PTCSC3: variants seen among roughly 807,000 people sequenced by gnomAD.
The protein encoded by PTCSC3 is papillary thyroid carcinoma susceptibility candidate 3, also known as papillary thyroid carcinoma susceptibility candidate 3 (non-protein coding).
rs116560535 is a variant in PTCSC3 at position 36,171,887 on chromosome 14, T to C, written n.171+4411A>G. Among the ~76,000 whole-genome samples the C allele has an allele frequency of 7.0e-3, 1,072 of 152,210 alleles. 11 individuals carry two copies. The highest frequency in any genetic ancestry group is 0.023 in the African/African-American group (974 of 41,536). On this transcript the variant is annotated intron_variant and non_coding_transcript_variant, in intron 1 of 3. Coordinates refer to ENST00000556013, the Ensembl canonical transcript of PTCSC3. ...GGAATATTAGCAAATGTGGGGTGTA[T>C]TTAGCATGTTCTGCAAACATGGGTT... is the stretch of plus-strand genomic sequence containing the variant.
chr14:36,158,757 G>A (rs142655811), intron 2 of PTCSC3, among the ~76,000 whole-genome samples: 200 of 152,292 alleles, frequency 1.3e-3, no homozygotes, highest in African/African-American at 4.5e-3. Flanking sequence ...TCAGGATGAT[G>A]CTGGCCTCAT....
intron 1 of PTCSC3, among the ~76,000 whole-genome samples, chr14:36,173,703 G>T (rs1882229547): frequency 6.6e-6 from 1 of 151,900 alleles, no homozygotes; most frequent in South Asian, 2.1e-4. Flanking sequence ...TAACATTCCT[G>T]GTGCCCTTTG....
chr14:36,161,923 G>A (rs543915258), intron 2 of PTCSC3, among the ~76,000 whole-genome samples: 3 of 152,302 alleles, frequency 2.0e-5, no homozygotes, highest in Admixed American at 2.0e-4. Context: ...GGAGAAATCT[G>A]GAGACGCAGT....
chr14:36,143,824 T>C lies in PTCSC3; in HGVS notation n.323-7468A>G, dbSNP rs1881488779. Among the ~76,000 whole-genome samples, 3 of 145,026 alleles carry C rather than the reference T, an allele frequency of 2.1e-5. No homozygotes were observed. In the Admixed American group the frequency reaches 2.1e-4, roughly 10 times the overall value. ...GTTTAAGTCTTTAATCCATCTTGAA[T>C]TGATTTTTGTATAAGGTGTAAGGAA... On this transcript the variant is annotated intron_variant and non_coding_transcript_variant, in intron 3 of 3. Coordinates refer to ENST00000556013, the Ensembl canonical transcript of PTCSC3.
chr14:36,167,673 A>G (rs1882116452), intron 1 of PTCSC3, among the ~76,000 whole-genome samples: 1 of 152,172 alleles, frequency 6.6e-6, no homozygotes, highest in Admixed American at 6.5e-5. Context: ...ATGAAAAGCC[A>G]AGTCATCATC....
intron 3 of PTCSC3, among the ~76,000 whole-genome samples, chr14:36,151,305 C>A (rs1026798782): frequency 1.3e-5 from 2 of 151,634 alleles, no homozygotes; most frequent in Admixed American, 1.3e-4. Flanking sequence ...TGCCCTCTGG[C>A]TTTTTTCAAG....
At position 36,152,715 on chromosome 14, in the gene PTCSC3, G is replaced by T. The variant is rs575669787; in HGVS notation, n.322+1089C>A. Among the ~76,000 whole-genome samples the T allele has an allele frequency of 5.9e-5, 9 of 151,946 alleles. No individual in the cohort carries two copies. The East Asian group carries it at 1.8e-3, about 30-fold the overall frequency. On this transcript the variant is annotated intron_variant and non_coding_transcript_variant, in intron 3 of 3. Transcript: ENST00000556013. ...TTGAGACCAGCATGGCCAACAAGGT[G>T]AAACCCTTTCTCTACTAAAAATAAA...
intron 2 of PTCSC3, among the ~76,000 whole-genome samples, chr14:36,155,873 T>C (rs778338872): frequency 7.9e-5 from 12 of 152,226 alleles, no homozygotes; most frequent in Non-Finnish European, 1.6e-4. Flanking sequence ...TTTCTTAACC[T>C]AATAAAATGT....
chr14:36,163,768 A>C (rs759258456), intron 1 of PTCSC3, among the ~76,000 whole-genome samples: 5 of 152,192 alleles, frequency 3.3e-5, no homozygotes, highest in Non-Finnish European at 7.4e-5. Context: ...CTCCTTTGTC[A>C]AGCTCATTAA....
intron 3 of PTCSC3, among the ~76,000 whole-genome samples, chr14:36,150,860 C>T (rs540766418): frequency 8.5e-5 from 13 of 152,116 alleles, no homozygotes; most frequent in African/African-American, 1.7e-4. Flanking sequence ...TCTATTTATT[C>T]GGAAGCTATA....
chr14:36,157,653 T>C (rs1255914921), intron 2 of PTCSC3, among the ~76,000 whole-genome samples: 2 of 151,898 alleles, frequency 1.3e-5, no homozygotes, highest in Non-Finnish European at 2.9e-5. Context: ...TAGGGAATCC[T>C]TTCCCCATTG....
intron 3 of PTCSC3, among the ~76,000 whole-genome samples, chr14:36,148,310 G>T (rs942372096): frequency 6.6e-6 from 1 of 152,150 alleles, no homozygotes; most frequent in African/African-American, 2.4e-5. Context: ...CTAGCAATCA[G>T]CGAGACTCCA....
intron 1 of PTCSC3, chr14:36,165,372 G>A (rs1882065831): frequency 6.6e-6 from 1 of 152,132 alleles, no homozygotes; most frequent in Non-Finnish European, 1.5e-5. Flanking sequence ...TTTGTCCTAT[G>A]TTCTTTCTAC....
intron 1 of PTCSC3, among the ~76,000 whole-genome samples, chr14:36,172,564 TTTGCCTAATG>T (rs1882210333): frequency 2.0e-5 from 3 of 152,174 alleles, no homozygotes; most frequent in Non-Finnish European, 2.9e-5. Context: ...ATTCTGAACA[TTTGCCTAATG>T]TTCCTTGTTT....
At chr14:36,174,722 G>A (rs1882252113) in intron 1 of PTCSC3, among the ~76,000 whole-genome samples, 2 of 152,170 alleles carry the variant, frequency 1.3e-5, no homozygotes, top group Non-Finnish European at 2.9e-5. Flanking sequence ...TTTCCAAACT[G>A]TGTCTCCTGT....
chr14:36,146,779 A>G (rs1191302702), intron 3 of PTCSC3, among the ~76,000 whole-genome samples: 2 of 152,034 alleles, frequency 1.3e-5, no homozygotes, highest in East Asian at 3.9e-4. Context: ...ACATTTTGGC[A>G]TGATTTTGCA....
At chr14:36,173,923 C>A (rs1331208752) in intron 1 of PTCSC3, among the ~76,000 whole-genome samples, 1 of 152,086 alleles carries the variant, frequency 6.6e-6, no homozygotes, top group Admixed American at 6.6e-5. Flanking sequence ...TTCTGGACTC[C>A]ATTGTTTCTG....
At chr14:36,158,253 C>A (rs1165941431) in intron 2 of PTCSC3, among the ~76,000 whole-genome samples, 2 of 152,110 alleles carry the variant, frequency 1.3e-5, no homozygotes, top group African/African-American at 4.8e-5. Flanking sequence ...ATTTCTTTTT[C>A]TTGCCTGATT....
intron 1 of PTCSC3, among the ~76,000 whole-genome samples, chr14:36,163,125 C>T (rs1362400425): frequency 6.6e-6 from 1 of 151,696 alleles, no homozygotes; most frequent in Admixed American, 6.6e-5. Flanking sequence ...TGGTACACAC[C>T]TACATAGAAG....
Sources: allele counts gnomAD v4.1 joint callset (sites outside exome capture counted in the v4.1 genomes callset), GRCh38; gene constraint gnomAD v4.1.1; transcripts MANE v1.5; gene names NCBI Gene and HGNC (gene_info 2026-07-23, HGNC 2026-07-21).